BCL11B: variants seen among roughly 807,000 people sequenced by gnomAD.
BCL11B encodes the protein BCL11 transcription factor B.
In BCL11B, 8 loss-of-function variants were observed where a neutral mutation model predicts 49.9. The observed-to-expected ratio is 0.16, with a 90% CI of 0.09 to 0.29. BCL11B has a LOEUF of 0.29. BCL11B is among the 10% of genes least tolerant of loss of function. The pLI, the probability that BCL11B is intolerant of heterozygous loss-of-function variation, is 1.00. For missense variants in BCL11B, 1,006 were observed against 1,351.0 expected, an observed-to-expected ratio of 0.74 and a Z score of 4.00; for synonymous variants, 739 against 637.4, an observed-to-expected ratio of 1.16 and a Z score of -2.40.
intron 1 of BCL11B, among the ~76,000 whole-genome samples, chr14:99,269,876 A>T (rs1444750329): frequency 6.2e-4 from 2 of 3,240 alleles, no homozygotes; most frequent in Non-Finnish European, 6.0e-4. Context: ...TATTGCAGTT[A>T]AAAAAAAAAA....
rs575786857 is a variant in BCL11B at position 99,192,502 on chromosome 14, G to A, written c.641-16307C>T. ...GCCGGCACGTTCTGGAGACCACAGCGCGCTACCTTTCACCTCGTCCTCGCC... is the reference window on the plus strand; with the variant it reads ...GCCGGCACGTTCTGGAGACCACAGCACGCTACCTTTCACCTCGTCCTCGCC... On this transcript the variant is annotated intron_variant, in intron 3 of 3. Coordinates refer to ENST00000357195, the MANE Select transcript of BCL11B (RefSeq NM_138576.4). This position sits in a 1 kb window ranked among gnomAD's most constrained non-coding sequence, Gnocchi z 4.0. Among the ~76,000 whole-genome samples the A allele has an allele frequency of 1.4e-4, 22 of 152,264 alleles. No individual in the cohort carries two copies. Among genetic ancestry groups the A allele is most frequent in the Admixed American group, 3.9e-4 (6 of 15,290 alleles).
In BCL11B at chr14:99,257,514, G is replaced by A; in HGVS notation, c.384C>T (p.Leu128=). ...TGGGACAGATGCCTTTCGTGGGTGA[G>A]AGCAGGTGGTCATCTTCGTCGGGGG... The part of the protein sequence containing the change: ...QVTPDEDDHL[L]SPTKGICPKQ... Residue 128 remains leucine (L), a synonymous_variant, in exon 2 of 4, where the codon CTC becomes CTT. Transcript: ENST00000357195. The surrounding 1 kb of genome is among the most constrained non-coding windows in gnomAD (Gnocchi z 6.2). The A allele has an allele frequency of 6.2e-7, 1 of 1,612,944 alleles. No homozygotes were observed. The highest frequency in any genetic ancestry group is 8.5e-7 in the Non-Finnish European group (1 of 1,179,232).
At position 99,194,430 on chromosome 14, in the gene BCL11B, T is replaced by TCTGTCCTTCTCGGCTTCTGCC. The variant is rs1191394336; in HGVS notation, c.641-18256_641-18236dup. Among the ~76,000 whole-genome samples the TCTGTCCTTCTCGGCTTCTGCC allele has an allele frequency of 5.3e-5, 8 of 152,210 alleles. No individual in the cohort carries two copies. The highest frequency in any genetic ancestry group is 1.9e-4 in the African/African-American group (8 of 41,450). The stretch of plus-strand genomic sequence containing the variant: ...AGATGCCTGTAGGCATGGCCAGAGC[T>TCTGTCCTTCTCGGCTTCTGCC]CTGTCCTTCTCGGCTTCTGCCCTGT... On this transcript the variant is annotated intron_variant, in intron 3 of 3. Transcript: ENST00000357195. The surrounding 1 kb of genome is among the most constrained non-coding windows in gnomAD (Gnocchi z 4.6).
intron 3 of BCL11B, among the ~76,000 whole-genome samples, chr14:99,202,789 C>T (rs981910560): frequency 1.3e-5 from 2 of 152,190 alleles, no homozygotes; most frequent in East Asian, 1.9e-4. Context: ...CACCTGGAGC[C>T]GGTAGAACAA....
intron 1 of BCL11B, chr14:99,264,289 C>G (rs1306185689): frequency 1.9e-5 from 2 of 106,346 alleles, no homozygotes; most frequent in Admixed American, 1.8e-4. Context: ...CATGACACCG[C>G]CCCCCCCCTT....
chr14:99,185,908 T>C (rs1886839342), intron 3 of BCL11B, among the ~76,000 whole-genome samples: 3 of 152,242 alleles, frequency 2.0e-5, no homozygotes, highest in Admixed American at 2.0e-4. Flanking sequence ...AGAGCACGGC[T>C]TCACCGTCAA....
rs1886351040 is a variant in BCL11B at position 99,173,328 on chromosome 14, CA to C, written c.*822del. On this transcript the variant is annotated 3_prime_UTR_variant, in exon 4 of 4. Transcript: ENST00000357195. ...CGGGCCATTTCCCAGAGGAGCCCTC[CA>C]AAAACCCTATCTCTGGCGGCGCTGA... 4.5e-6 allele frequency: 1 copy of C among 222,222 alleles called. No homozygotes were observed. Among genetic ancestry groups the C allele is most frequent in the East Asian group, 6.5e-5 (1 of 15,436 alleles). 13.8% of individuals were successfully genotyped at this position (222,222 alleles called of 1,614,324 possible).
rs534173916 is a variant in BCL11B at position 99,206,290 on chromosome 14, A to G, written c.640+25055T>C. Among the ~76,000 whole-genome samples, 6 of 152,364 alleles carry G rather than the reference A, an allele frequency of 3.9e-5. No individual in the cohort carries two copies. In the East Asian group the frequency reaches 1.2e-3, roughly 29 times the overall value. ...ACAACAGCCACACCTGTTCATTAAT[A>G]GTCCACGGGTACTCTTGCACTACAG... On this transcript the variant is annotated intron_variant, in intron 3 of 3. Transcript: ENST00000357195.
At chr14:99,263,373 C>T (rs983021815) in intron 1 of BCL11B, among the ~76,000 whole-genome samples, 4 of 152,160 alleles carry the variant, frequency 2.6e-5, no homozygotes, top group African/African-American at 4.8e-5. Context: ...GGAAGGCGGC[C>T]GGTGCAAAAC....
At chr14:99,200,709 G>A (rs2664288) in intron 3 of BCL11B, among the ~76,000 whole-genome samples, 30,673 of 152,232 alleles carry the variant, frequency 0.2, 3,329 homozygotes, top group South Asian at 0.45. Flanking sequence ...CTGGCATGGC[G>A]CAGGAGGCTG....
chr14:99,215,696 AG>A (rs1887814055), intron 3 of BCL11B, among the ~76,000 whole-genome samples: 2 of 152,220 alleles, frequency 1.3e-5, no homozygotes, highest in Non-Finnish European at 2.9e-5. Context: ...ATAAATCCAT[AG>A]GTTATTAGCT....
chr14:99,256,226 T>C (rs939820763), intron 2 of BCL11B, among the ~76,000 whole-genome samples: 6 of 152,142 alleles, frequency 3.9e-5, no homozygotes, highest in African/African-American at 1.2e-4. Context: ...CCTTCCATGA[T>C]GGAAGCATGG....
At chr14:99,199,675 T>TGCGC (rs1385773935) in intron 3 of BCL11B, among the ~76,000 whole-genome samples, 245 of 84,756 alleles carry the variant, frequency 2.9e-3, no homozygotes, top group Non-Finnish European at 4.7e-3. Context: ...TGTGTGTGTG[T>TGCGC]GTGTGTGTGC....
chr14:99,245,764 G>A (rs1247041237), intron 2 of BCL11B, among the ~76,000 whole-genome samples: 1 of 152,190 alleles, frequency 6.6e-6, no homozygotes. Context: ...CCAAGGGCCA[G>A]AGAGGAGGCG....
intron 3 of BCL11B, among the ~76,000 whole-genome samples, chr14:99,199,664 G>A (rs1188873201): frequency 1.2e-5 from 1 of 84,938 alleles, no homozygotes; most frequent in African/African-American, 4.8e-5. Flanking sequence ...GTGTGTGTGT[G>A]TGTGTGTGTG....
intron 3 of BCL11B, among the ~76,000 whole-genome samples, chr14:99,193,080 C>A (rs1405982332): frequency 6.6e-6 from 1 of 152,170 alleles, no homozygotes; most frequent in Non-Finnish European, 1.5e-5. Context: ...GATCAGCCAC[C>A]GTGGTCAGCC....
chr14:99,219,623 C>T (rs1887952221), intron 3 of BCL11B, among the ~76,000 whole-genome samples: 1 of 152,076 alleles, frequency 6.6e-6, no homozygotes, highest in East Asian at 1.9e-4. Flanking sequence ...CGAGTGAGCT[C>T]TATCTCGCTC....
At position 99,171,415 on chromosome 14, in the gene BCL11B, T is replaced by G; in HGVS notation, c.*2736A>C. ...ATATATTATGGCAGCCTGTTTGTTT[T>G]TGTTTTTTTTTTCTTTTTATTTCCA... On this transcript the variant is annotated 3_prime_UTR_variant, in exon 4 of 4. Transcript: ENST00000357195. The G allele has an allele frequency of 9.2e-6, 2 of 216,432 alleles. No individual in the cohort carries two copies. The highest frequency in any genetic ancestry group is 1.9e-5 in the Non-Finnish European group (2 of 107,408). 13.4% of individuals were successfully genotyped at this position (216,432 alleles called of 1,614,324 possible).
chr14:99,209,163 A>C (rs1246936051), intron 3 of BCL11B, among the ~76,000 whole-genome samples: 2 of 152,128 alleles, frequency 1.3e-5, no homozygotes, highest in African/African-American at 4.8e-5. Flanking sequence ...GACTCCTATG[A>C]GCCCCAGTTT....
Sources: gnomAD v4.1 joint callset for allele counts (sites outside exome capture counted in the v4.1 genomes callset) on GRCh38, gnomAD v4.1.1 for gene constraint, Gnocchi (gnomAD v3.1) non-coding constraint, MANE v1.5 for transcripts, NCBI Gene and HGNC (gene_info 2026-07-23, HGNC 2026-07-21) for gene names.